The following ZC3H18 variants were observed in gnomAD, a reference collection of about 807,000 sequenced individuals.
ZC3H18 encodes zinc finger CCCH domain-containing protein 18.
In ZC3H18, 8 loss-of-function variants were observed where a neutral mutation model predicts 106.1. That is an observed-to-expected ratio of 0.08 (90% confidence interval 0.04 to 0.14). ZC3H18 has a LOEUF of 0.14. ZC3H18 is among the 10% of genes least tolerant of loss of function. The pLI, the probability that ZC3H18 is intolerant of heterozygous loss-of-function variation, is 1.00. For synonymous variants in ZC3H18, 635 were observed against 522.1 expected, an observed-to-expected ratio of 1.22 and a Z score of -2.95; for missense variants, 1,318 against 1,278.4, an observed-to-expected ratio of 1.03 and a Z score of -0.47.
chr16:88,613,390 C>T (rs1355025822), intron 8 of ZC3H18, among the ~76,000 whole-genome samples: 1 of 152,178 alleles, frequency 6.6e-6, no homozygotes. Flanking sequence ...ATCACATGGT[C>T]ACTCTATGTT....
intron 2 of ZC3H18, among the ~76,000 whole-genome samples, chr16:88,584,294 C>T (rs1316927034): frequency 6.6e-6 from 1 of 151,958 alleles, no homozygotes; most frequent in Non-Finnish European, 1.5e-5. Flanking sequence ...TGATGTCGGG[C>T]ACCTGTAATC....
At chr16:88,625,654 G>A (rs879284840) in intron 13 of ZC3H18, 19 of 211,676 alleles carry the variant, frequency 9.0e-5, no homozygotes, top group Admixed American at 8.0e-4. Context: ...CGAGGGAACC[G>A]GCCTGAGGGG....
chr16:88,576,526 A>G (rs1430364847), intron 1 of ZC3H18, among the ~76,000 whole-genome samples: 1 of 151,974 alleles, frequency 6.6e-6, no homozygotes, highest in Non-Finnish European at 1.5e-5. Flanking sequence ...CAGGGCTCTG[A>G]GCCTGCATTG....
chr16:88,587,484 C>T (rs1449891488), intron 3 of ZC3H18: 13 of 1,440,280 alleles, frequency 9.0e-6, no homozygotes, highest in Non-Finnish European at 1.2e-5. Flanking sequence ...ATGACTGTCA[C>T]TGCCAGCCTG....
intron 17 of ZC3H18, 72 bp from the exon 18 acceptor site, chr16:88,631,029 T>C (rs1597365174): frequency 6.3e-7 from 1 of 1,588,002 alleles, no homozygotes; most frequent in Non-Finnish European, 8.6e-7. Context: ...GAAGCGCCCC[T>C]ACGGGGAGGT....
At chr16:88,604,007 G>A (rs1048425671) in intron 6 of ZC3H18, among the ~76,000 whole-genome samples, 18 of 151,872 alleles carry the variant, frequency 1.2e-4, no homozygotes, top group South Asian at 4.2e-4. Flanking sequence ...TAAATATTCC[G>A]TTTCTACCAC....
At chr16:88,625,391 A>T (rs975769032) in intron 13 of ZC3H18, 124 bp downstream of exon 13, 38 of 1,220,026 alleles carry the variant, frequency 3.1e-5, no homozygotes, top group Non-Finnish European at 4.2e-5. Context: ...GATCTGAGTC[A>T]CCCTGGGGCT....
chr16:88,606,559 AC>A (rs1331935094), intron 6 of ZC3H18, among the ~76,000 whole-genome samples: 1 of 152,202 alleles, frequency 6.6e-6, no homozygotes, highest in African/African-American at 2.4e-5. Context: ...TATTGGGCTT[AC>A]GCAATCAGCC....
intron 6 of ZC3H18, among the ~76,000 whole-genome samples, chr16:88,608,326 G>C (rs983069795): frequency 5.9e-5 from 9 of 151,804 alleles, no homozygotes; most frequent in Non-Finnish European, 1.2e-4. Flanking sequence ...TTTTTATCAT[G>C]CTAAAGTATC....
chr16:88,613,039 C>G (rs566619538), intron 8 of ZC3H18, among the ~76,000 whole-genome samples: 1 of 152,276 alleles, frequency 6.6e-6, no homozygotes, highest in East Asian at 1.9e-4. Context: ...CATCAGCAGT[C>G]ACTCTCCATT....
At chr16:88,630,385 C>T (rs886850130) in intron 16 of ZC3H18, 100 bp from the exon 17 acceptor site, 22 of 852,650 alleles carry the variant, frequency 2.6e-5, no homozygotes, top group Non-Finnish European at 3.2e-5. Flanking sequence ...AACTAAGCAG[C>T]CTCAGGCTTT....
At chr16:88,575,783 G>C (rs1334608319) in intron 1 of ZC3H18, among the ~76,000 whole-genome samples, 1 of 151,432 alleles carries the variant, frequency 6.6e-6, no homozygotes, top group Non-Finnish European at 1.5e-5. Context: ...ATGCAGTCTT[G>C]GCTTACTGCA....
intron 8 of ZC3H18, among the ~76,000 whole-genome samples, chr16:88,615,226 A>C (rs1597351236): frequency 5.7e-5 from 7 of 123,532 alleles, no homozygotes; most frequent in South Asian, 2.6e-4. Context: ...GGCTGCCCCC[A>C]CCTCCTCCGT....
At chr16:88,623,916 A>G in intron 10 of ZC3H18, 42 bp from the exon 11 acceptor site, 1 of 1,559,494 alleles carries the variant, frequency 6.4e-7, no homozygotes, top group East Asian at 2.3e-5. Context: ...TGGTGAAGAA[A>G]CACCCCCAGG....
intron 8 of ZC3H18, among the ~76,000 whole-genome samples, chr16:88,614,937 C>T (rs1379990158): frequency 6.6e-6 from 1 of 152,228 alleles, no homozygotes; most frequent in African/African-American, 2.4e-5. Flanking sequence ...CCCATTTCCT[C>T]CATTCCGTCT....
At chr16:88,576,111 A>T (rs151333306) in intron 1 of ZC3H18, among the ~76,000 whole-genome samples, 2,709 of 152,248 alleles carry the variant, frequency 0.018, 152 homozygotes, top group East Asian at 0.13. Flanking sequence ...CGTGTTAGCC[A>T]GGATGGTCTC....
intron 3 of ZC3H18, chr16:88,587,599 G>A (rs998198633): frequency 9.1e-6 from 14 of 1,535,816 alleles, no homozygotes; most frequent in African/African-American, 1.4e-5. Flanking sequence ...ATACCATTCA[G>A]AGGCCAGGTT....
chr16:88,580,947 T>C (rs1915091688), intron 2 of ZC3H18, among the ~76,000 whole-genome samples: 1 of 152,242 alleles, frequency 6.6e-6, no homozygotes, highest in Non-Finnish European at 1.5e-5. Context: ...TGGATGTTTC[T>C]GAGGCCTCAT....
At chr16:88,624,124 C>T in intron 11 of ZC3H18, 62 bp downstream of exon 11, 1 of 1,584,712 alleles carries the variant, frequency 6.3e-7, no homozygotes, top group African/African-American at 1.4e-5. Context: ...GCAGCCTCCT[C>T]CCTCCGTCTC....
Sources: gnomAD v4.1 joint callset for allele counts (sites outside exome capture counted in the v4.1 genomes callset) on GRCh38, gnomAD v4.1.1 for gene constraint, MANE v1.5 for transcripts, NCBI Gene and HGNC (gene_info 2026-07-23, HGNC 2026-07-21) for gene names.